The following PACRG variants were observed in gnomAD, a reference collection of about 807,000 sequenced individuals.
The protein encoded by PACRG is parkin coregulated.
Under a neutral mutation model 29.7 loss-of-function variants are expected in PACRG, and 29 were observed. That is an observed-to-expected ratio of 0.98 (90% CI 0.73 to 1.33). The LOEUF (loss-of-function observed/expected upper bound fraction) is 1.33. PACRG is among the 40% of genes most tolerant of loss of function. PACRG has a pLI of 0.00. For synonymous variants in PACRG, 116 were observed against 118.7 expected (o/e 0.98, Z 0.15); for missense variants, 279 against 316.2 (o/e 0.88, Z 0.89).
At chr6:163,063,329 C>G (rs1037650161) in intron 3 of PACRG, among the ~76,000 whole-genome samples, 2 of 152,136 alleles carry the variant, frequency 1.3e-5, no homozygotes, top group African/African-American at 4.8e-5. Flanking sequence ...CCTGCTCCCC[C>G]CGCCCCAAGT....
At chr6:163,180,483 C>G (rs1227196555) in intron 4 of PACRG, among the ~76,000 whole-genome samples, 2 of 151,934 alleles carry the variant, frequency 1.3e-5, no homozygotes, top group Non-Finnish European at 2.9e-5. Flanking sequence ...CAATGAGGAC[C>G]AGGTGCAGTG....
At chr6:162,965,430 T>C (rs1020750109) in intron 2 of PACRG, among the ~76,000 whole-genome samples, 8 of 152,222 alleles carry the variant, frequency 5.3e-5, no homozygotes, top group African/African-American at 1.9e-4. Context: ...TCAGATTCAG[T>C]GTCTAGCAAA....
chr6:163,241,597 C>A (rs12201059), intron 4 of PACRG, among the ~76,000 whole-genome samples: 4,316 of 152,218 alleles, frequency 0.028, 117 homozygotes, highest in South Asian at 0.13. Context: ...GGCAGGGTAC[C>A]AGGAGCCACC....
At chr6:163,265,980 A>G (rs1340317139) in intron 4 of PACRG, among the ~76,000 whole-genome samples, 1 of 152,248 alleles carries the variant, frequency 6.6e-6, no homozygotes, top group Non-Finnish European at 1.5e-5. Context: ...TTAGCATTAA[A>G]TTCATTCTGT....
At chr6:163,094,892 C>G (rs1001273700) in intron 4 of PACRG, among the ~76,000 whole-genome samples, 82 of 152,286 alleles carry the variant, frequency 5.4e-4, no homozygotes, top group African/African-American at 1.8e-3. Context: ...ATATAGCAAG[C>G]CCTCGGGAAA....
chr6:162,977,353 T>A (rs1268052802), intron 2 of PACRG, among the ~76,000 whole-genome samples: 1 of 151,834 alleles, frequency 6.6e-6, no homozygotes, highest in African/African-American at 2.4e-5. Context: ...GTTAAGAAAG[T>A]GAAAATTAAA....
chr6:163,017,763 T>C (rs1387865378), intron 2 of PACRG, among the ~76,000 whole-genome samples: 1 of 152,308 alleles, frequency 6.6e-6, no homozygotes, highest in Non-Finnish European at 1.5e-5. Context: ...TTTAGAGAGT[T>C]ACTACTCTTA....
At chr6:163,284,645 C>G (rs140094798) in intron 4 of PACRG, among the ~76,000 whole-genome samples, 4 of 152,148 alleles carry the variant, frequency 2.6e-5, no homozygotes, top group Non-Finnish European at 5.9e-5. Context: ...CACATAAGTG[C>G]TCTTCCAGCA....
At chr6:163,006,817 C>A (rs1805162483) in intron 2 of PACRG, among the ~76,000 whole-genome samples, 1 of 150,980 alleles carries the variant, frequency 6.6e-6, no homozygotes, top group Admixed American at 6.6e-5. Context: ...TTAATTTTAA[C>A]CTATTTGTGC....
At chr6:163,058,326 C>G (rs896818970) in intron 2 of PACRG, among the ~76,000 whole-genome samples, 3 of 152,154 alleles carry the variant, frequency 2.0e-5, no homozygotes, top group Non-Finnish European at 2.9e-5. Flanking sequence ...CAGCTCCTTA[C>G]ACAGTTCCAG....
At chr6:162,923,879 A>G (rs879473977) in intron 2 of PACRG, among the ~76,000 whole-genome samples, 19 of 152,056 alleles carry the variant, frequency 1.2e-4, no homozygotes, top group Middle Eastern at 3.4e-3. Context: ...TTTTGGTTCC[A>G]TATAAATTTT....
chr6:163,274,820 C>A (rs1783967371), intron 4 of PACRG, among the ~76,000 whole-genome samples: 1 of 149,604 alleles, frequency 6.7e-6, no homozygotes, highest in Non-Finnish European at 1.5e-5. Context: ...TGTACCTTTG[C>A]TTCTGTTAAA....
chr6:162,876,139 T>C (rs767739022), intron 2 of PACRG, among the ~76,000 whole-genome samples: 1 of 152,172 alleles, frequency 6.6e-6, no homozygotes, highest in African/African-American at 2.4e-5. Context: ...CGTTTCAATA[T>C]TCATGGTCAC....
At chr6:163,097,316 CAGG>C (rs1464432104) in intron 4 of PACRG, among the ~76,000 whole-genome samples, 1 of 152,294 alleles carries the variant, frequency 6.6e-6, no homozygotes, top group South Asian at 2.1e-4. Context: ...ATCAGACTGC[CAGG>C]AGGATACAGA....
intron 2 of PACRG, among the ~76,000 whole-genome samples, chr6:162,900,313 C>G (rs1244063129): frequency 2.0e-5 from 3 of 152,158 alleles, no homozygotes; most frequent in Non-Finnish European, 4.4e-5. Flanking sequence ...TCCATCTCTT[C>G]TTGCCTCAAA....
chr6:162,761,867 A>G (rs1019042580), intron 1 of PACRG, among the ~76,000 whole-genome samples: 54 of 146,690 alleles, frequency 3.7e-4, no homozygotes, highest in Non-Finnish European at 7.2e-4. Flanking sequence ...AACCAGGGAG[A>G]TGGAGGTTGC....
chr6:162,883,522 A>C (rs1257122714), intron 2 of PACRG, among the ~76,000 whole-genome samples: 1 of 152,178 alleles, frequency 6.6e-6, no homozygotes, highest in Non-Finnish European at 1.5e-5. Flanking sequence ...TAACAAGTTT[A>C]GACAGTGGTT....
chr6:162,853,867 G>T lies in PACRG; in HGVS notation c.291+39586G>T, dbSNP rs576380101. On this transcript the variant is annotated intron_variant, in intron 2 of 4. Coordinates refer to ENST00000366888, the MANE Select transcript of PACRG (RefSeq NM_001080379.2). The surrounding 1 kb of genome is among the most constrained non-coding windows in gnomAD (Gnocchi z 4.7). ...TGTATCTATGTATCTACCTCATAGGGTTGTCATTTATTATAAAGATGAAAT... is the reference window on the plus strand; with the variant it reads ...TGTATCTATGTATCTACCTCATAGGTTTGTCATTTATTATAAAGATGAAAT... Among the ~76,000 whole-genome samples, 1 of 152,214 alleles carries T rather than the reference G, an allele frequency of 6.6e-6. No homozygotes were observed. The highest frequency in any genetic ancestry group is 6.5e-5 in the Admixed American group (1 of 15,284).
intron 4 of PACRG, among the ~76,000 whole-genome samples, chr6:163,179,573 G>A (rs920701963): frequency 4.6e-5 from 7 of 152,142 alleles, no homozygotes; most frequent in Non-Finnish European, 1.0e-4. Flanking sequence ...AGGTGTGTTG[G>A]CACGTGCCTG....
Sources: gnomAD v4.1 joint callset for allele counts (sites outside exome capture counted in the v4.1 genomes callset) on GRCh38, gnomAD v4.1.1 for gene constraint, Gnocchi (gnomAD v3.1) non-coding constraint, MANE v1.5 for transcripts, NCBI Gene and HGNC (gene_info 2026-07-23, HGNC 2026-07-21) for gene names.